MAF: variants seen among roughly 807,000 people sequenced by gnomAD.
MAF encodes MAF bZIP transcription factor.
In MAF, 10 loss-of-function variants were observed where a neutral mutation model predicts 22.0. The observed-to-expected ratio is 0.45, with a 90% CI of 0.28 to 0.77. The LOEUF (loss-of-function observed/expected upper bound fraction) is 0.77, where lower values mean the gene tolerates loss of function less well. Ranked by LOEUF, MAF falls within the 30% of genes least tolerant of loss-of-function variation. The pLI, the probability that MAF is intolerant of heterozygous loss-of-function variation, is 0.12. For synonymous variants in MAF, 337 were observed against 255.8 expected (o/e 1.32, Z -3.03); for missense variants, 544 against 548.4 (o/e 0.99, Z 0.08).
chr16:79,354,977 A>G, the MAF span, among the ~76,000 whole-genome samples: 2 of 152,324 alleles, frequency 1.3e-5, no homozygotes, highest in South Asian at 2.1e-4. Context: ...AGGGGATTAA[A>G]AAACCTGTTT....
the MAF span, among the ~76,000 whole-genome samples, chr16:79,469,899 G>A: frequency 6.6e-6 from 1 of 152,102 alleles, no homozygotes; most frequent in Non-Finnish European, 1.5e-5. Context: ...CTGGCCTACA[G>A]GGTCTCATTT....
chr16:79,328,360 G>C, the MAF span, among the ~76,000 whole-genome samples: 1 of 152,102 alleles, frequency 6.6e-6, no homozygotes, highest in Admixed American at 6.6e-5. Flanking sequence ...GGCATTTAGG[G>C]CAACTCCAAT....
At chr16:79,584,193 G>A (rs934550104), downstream of MAF, among the ~76,000 whole-genome samples, 10 of 152,064 alleles carry the variant, frequency 6.6e-5, no homozygotes, top group African/African-American at 2.4e-4. Context: ...TCAGAAATAA[G>A]CCATGAAGCT....
the MAF span, among the ~76,000 whole-genome samples, chr16:79,365,483 G>A: frequency 4.6e-5 from 7 of 152,194 alleles, no homozygotes; most frequent in Non-Finnish European, 8.8e-5. Flanking sequence ...AACTGTTAAA[G>A]GAGTGACTGA....
At chr16:79,241,131 T>A in the MAF span, among the ~76,000 whole-genome samples, 1 of 151,994 alleles carries the variant, frequency 6.6e-6, no homozygotes, top group Non-Finnish European at 1.5e-5. Context: ...GAATGCCTCT[T>A]CTCCTCCAAA....
chr16:79,475,248 G>A, the MAF span, among the ~76,000 whole-genome samples: 5 of 151,812 alleles, frequency 3.3e-5, no homozygotes, highest in East Asian at 5.8e-4. Context: ...GTACTTCCTA[G>A]AATTAGCTTT....
the MAF span, among the ~76,000 whole-genome samples, chr16:79,282,254 G>T: frequency 6.6e-6 from 1 of 152,190 alleles, no homozygotes; most frequent in Non-Finnish European, 1.5e-5. Flanking sequence ...ACTCGGAGTG[G>T]TATTTTGTAA....
the MAF span, among the ~76,000 whole-genome samples, chr16:79,319,575 G>C: frequency 1.3e-5 from 2 of 152,164 alleles, no homozygotes; most frequent in Non-Finnish European, 2.9e-5. Flanking sequence ...AAAGGGGCTG[G>C]GGGGACAATA....
the MAF span, among the ~76,000 whole-genome samples, chr16:79,507,957 G>A: frequency 1.3e-5 from 2 of 152,122 alleles, no homozygotes; most frequent in African/African-American, 4.8e-5. Context: ...TTTTAAGTGG[G>A]GGAAAGGGCC....
the MAF span, among the ~76,000 whole-genome samples, chr16:79,490,633 T>C: frequency 1.3e-5 from 2 of 151,944 alleles, no homozygotes; most frequent in African/African-American, 2.4e-5. Flanking sequence ...CACTCACACA[T>C]GCATAAATAT....
At chr16:79,305,584 G>C in the MAF span, among the ~76,000 whole-genome samples, 1 of 152,278 alleles carries the variant, frequency 6.6e-6, no homozygotes, top group South Asian at 2.1e-4. Flanking sequence ...GGCTGCACTA[G>C]GATTGGGGAG....
chr16:79,209,146 G>T, the MAF span, among the ~76,000 whole-genome samples: 2 of 152,144 alleles, frequency 1.3e-5, no homozygotes, highest in East Asian at 1.9e-4. Flanking sequence ...AAAAAGTTAG[G>T]CTTTTCAAAA....
At chr16:79,297,266 C>T in the MAF span, among the ~76,000 whole-genome samples, 1 of 152,180 alleles carries the variant, frequency 6.6e-6, no homozygotes, top group Admixed American at 6.5e-5. Context: ...GGCAATTACT[C>T]TTGATAGCAC....
the MAF span, among the ~76,000 whole-genome samples, chr16:79,415,949 A>G: frequency 2.0e-5 from 3 of 151,834 alleles, no homozygotes; most frequent in African/African-American, 4.8e-5. Flanking sequence ...GTCCCTCCCT[A>G]TGAAAATCTG....
chr16:79,365,674 A>C, the MAF span, among the ~76,000 whole-genome samples: 1 of 152,120 alleles, frequency 6.6e-6, no homozygotes. Flanking sequence ...GAGCTGGCTG[A>C]GCTAGGCTGA....
chr16:79,367,559 G>T, the MAF span, among the ~76,000 whole-genome samples: 55 of 152,290 alleles, frequency 3.6e-4, no homozygotes, highest in African/African-American at 1.2e-3. Context: ...AGTGACTCAG[G>T]GATATATGGC....
chr16:79,500,073 C>A, the MAF span, among the ~76,000 whole-genome samples: 2 of 152,186 alleles, frequency 1.3e-5, no homozygotes, highest in Admixed American at 1.3e-4. Context: ...AAGAGGCAAG[C>A]ACCGGACCTT....
At chr16:79,550,464 C>G in the MAF span, among the ~76,000 whole-genome samples, 6 of 152,094 alleles carry the variant, frequency 3.9e-5, no homozygotes, top group Non-Finnish European at 8.8e-5. Flanking sequence ...TTTGACTCTT[C>G]CAGTCAGTAA....
the MAF span, among the ~76,000 whole-genome samples, chr16:79,242,556 A>C: frequency 6.6e-6 from 1 of 151,946 alleles, no homozygotes; most frequent in African/African-American, 2.4e-5. Flanking sequence ...TCATAAAGCA[A>C]GTTCTTAGAG....
Sources: allele counts gnomAD v4.1 joint callset (sites outside exome capture counted in the v4.1 genomes callset), GRCh38; gene constraint gnomAD v4.1.1; transcripts MANE v1.5; gene names NCBI Gene and HGNC (gene_info 2026-07-23, HGNC 2026-07-21).